The following CSMD1 variants were observed in gnomAD, a reference collection of about 807,000 sequenced individuals.
CSMD1 encodes the protein CUB and sushi domain-containing protein 1.
CSMD1 carries 213 observed loss-of-function variants against 417.5 expected under a neutral mutation model. The observed-to-expected ratio is 0.51, with a 90% CI of 0.46 to 0.57. The LOEUF is 0.57. Ranked by LOEUF, CSMD1 falls within the 20% of genes least tolerant of loss-of-function variation. The pLI is 0.00. For synonymous variants in CSMD1, 2,862 were observed against 1,736.8 expected (o/e 1.65, Z -16.11); for missense variants, 6,923 against 4,529.7 (o/e 1.53, Z -15.17).
chr8:3,940,736 G>A (rs931512858), intron 5 of CSMD1, among the ~76,000 whole-genome samples: 1 of 151,132 alleles, frequency 6.6e-6, no homozygotes, highest in African/African-American at 2.4e-5. Flanking sequence ...CATTTTTAAA[G>A]TAGCTTATTT....
At chr8:3,787,735 T>A (rs1052114330) in intron 5 of CSMD1, among the ~76,000 whole-genome samples, 6 of 152,202 alleles carry the variant, frequency 3.9e-5, no homozygotes, top group Non-Finnish European at 7.4e-5. Context: ...AAGAAAAACA[T>A]AGACCCTGTA....
intron 3 of CSMD1, among the ~76,000 whole-genome samples, chr8:4,089,938 T>G (rs189906669): frequency 1.3e-5 from 2 of 152,262 alleles, no homozygotes; most frequent in Non-Finnish European, 1.5e-5. Context: ...ATTACATGTA[T>G]TATTGTTGAA....
At chr8:4,866,855 A>G (rs1448567851) in intron 1 of CSMD1, among the ~76,000 whole-genome samples, 1 of 152,014 alleles carries the variant, frequency 6.6e-6, no homozygotes, top group Non-Finnish European at 1.5e-5. Context: ...TAACTTTACC[A>G]TTAATATAAA....
intron 3 of CSMD1, among the ~76,000 whole-genome samples, chr8:4,259,714 T>A (rs1803737052): frequency 6.6e-6 from 1 of 152,156 alleles, no homozygotes; most frequent in African/African-American, 2.4e-5. Context: ...ATTTCAATAA[T>A]TTTGCCACAA....
chr8:4,341,193 T>C (rs1800457104), intron 3 of CSMD1, among the ~76,000 whole-genome samples: 1 of 152,078 alleles, frequency 6.6e-6, no homozygotes, highest in African/African-American at 2.4e-5. Context: ...GGGATTCAAA[T>C]CTGCAATGAA....
intron 3 of CSMD1, among the ~76,000 whole-genome samples, chr8:4,323,516 C>G (rs895935658): frequency 6.6e-6 from 1 of 152,094 alleles, no homozygotes; most frequent in Non-Finnish European, 1.5e-5. Flanking sequence ...GAAATGTTGC[C>G]TGGCATAAGG....
Position 3,998,092 on chromosome 8 carries a change from C to G in CSMD1, c.629G>C (p.Gly210Ala). The G allele has an allele frequency of 1.9e-6, 3 of 1,574,888 alleles. No individual in the cohort carries two copies. Among genetic ancestry groups the G allele is most frequent in the Non-Finnish European group, 1.7e-6 (2 of 1,159,302 alleles). The stretch of plus-strand genomic sequence containing the variant: ...GGAGCTGCTGGTCCCGCGTAAGGTT[C>G]CTCCGCAGGCTCCCTCAGCTGCAGG... ...PFCRAEGACGGTLRGTSSSIS... is the reference protein window; with the variant it reads ...PFCRAEGACGATLRGTSSSIS... The change falls in exon 5 of 70, where the codon GGA becomes GCA. Residue 210 changes from glycine to alanine, a missense_variant. Physicochemically the swap from Gly to Ala is moderately conservative, Grantham distance 60 (BLOSUM62 0). Coordinates refer to ENST00000635120, the MANE Select transcript of CSMD1 (RefSeq NM_033225.6).
intron 3 of CSMD1, among the ~76,000 whole-genome samples, chr8:4,254,726 T>C (rs1352555097): frequency 6.6e-6 from 1 of 152,152 alleles, no homozygotes; most frequent in Admixed American, 6.5e-5. Flanking sequence ...GGTATGGTTA[T>C]GTATCTTCAG....
intron 6 of CSMD1, among the ~76,000 whole-genome samples, chr8:3,747,086 G>T (rs1797099318): frequency 6.6e-6 from 1 of 152,198 alleles, no homozygotes; most frequent in African/African-American, 2.4e-5. Flanking sequence ...AGTAGTGGGA[G>T]CAGTATGACA....
At chr8:4,839,494 A>G (rs1248851972) in intron 1 of CSMD1, among the ~76,000 whole-genome samples, 8 of 152,280 alleles carry the variant, frequency 5.3e-5, no homozygotes. Context: ...TAACTCAGCT[A>G]ACAACTGTGA....
chr8:3,846,403 A>ACTT lies in CSMD1; in HGVS notation c.819-92362_819-92361insAAG, dbSNP rs752611684. Among the ~76,000 whole-genome samples, 391 of 152,302 alleles carry ACTT rather than the reference A, an allele frequency of 2.6e-3. 1 individual carries two copies. The highest frequency in any genetic ancestry group is 6.8e-3 in the Middle Eastern group (2 of 294). On this transcript the variant is annotated intron_variant, in intron 5 of 69. Transcript: ENST00000635120. ...ATGACTCTACATGTGAAATAGATAA[A>ACTT]CATATGTAAGTTTTGATTAGCCCCA...
intron 1 of CSMD1, among the ~76,000 whole-genome samples, chr8:4,974,597 T>C (rs913465706): frequency 6.6e-6 from 1 of 152,094 alleles, no homozygotes; most frequent in African/African-American, 2.4e-5. Context: ...ATAACAAACA[T>C]CAACATATAT....
intron 3 of CSMD1, among the ~76,000 whole-genome samples, chr8:4,317,063 G>A (rs1798976866): frequency 6.6e-6 from 1 of 152,108 alleles, no homozygotes; most frequent in African/African-American, 2.4e-5. Flanking sequence ...CAAGCCCTGT[G>A]GAATTAATCA....
At chr8:4,139,494 A>C (rs1454113925) in intron 3 of CSMD1, among the ~76,000 whole-genome samples, 1 of 144,854 alleles carries the variant, frequency 6.9e-6, no homozygotes, top group Admixed American at 6.7e-5. Context: ...GGCGTGGATG[A>C]ATGGTCTGCA....
chr8:3,594,160 C>G (rs571677837), intron 8 of CSMD1, among the ~76,000 whole-genome samples: 1 of 152,156 alleles, frequency 6.6e-6, no homozygotes, highest in Non-Finnish European at 1.5e-5. Flanking sequence ...CTGCTATGCC[C>G]GACCTACAGG....
At chr8:3,624,350 G>C (rs1796394225) in intron 7 of CSMD1, among the ~76,000 whole-genome samples, 2 of 152,228 alleles carry the variant, frequency 1.3e-5, no homozygotes, top group South Asian at 2.1e-4. Context: ...CCACAGATTG[G>C]CTTGAATGTT....
At chr8:3,209,126 G>C (rs1370888285) in intron 30 of CSMD1, among the ~76,000 whole-genome samples, 2 of 152,080 alleles carry the variant, frequency 1.3e-5, no homozygotes, top group Non-Finnish European at 2.9e-5. Context: ...CAGGAAAACT[G>C]ACTCAGAACT....
intron 3 of CSMD1, among the ~76,000 whole-genome samples, chr8:4,064,229 T>C (rs539445619): frequency 6.6e-6 from 1 of 152,338 alleles, no homozygotes; most frequent in African/African-American, 2.4e-5. Context: ...TGCATCCCAG[T>C]GGTCATTCGC....
At chr8:3,535,387 T>C (rs1198992828) in intron 10 of CSMD1, among the ~76,000 whole-genome samples, 2 of 152,130 alleles carry the variant, frequency 1.3e-5, no homozygotes, top group Admixed American at 6.6e-5. Context: ...GAAATAAAAG[T>C]GTGAACCCTG....
Sources: allele counts gnomAD v4.1 joint callset (sites outside exome capture counted in the v4.1 genomes callset), GRCh38; gene constraint gnomAD v4.1.1; transcripts MANE v1.5; gene names NCBI Gene and HGNC (gene_info 2026-07-23, HGNC 2026-07-21).